The following NTRK2 variants were observed in gnomAD, a reference collection of about 807,000 sequenced individuals.
The protein encoded by NTRK2 is neurotrophic receptor tyrosine kinase 2, also known as BDNF/NT-3 growth factors receptor.
Under a neutral mutation model 94.5 loss-of-function variants are expected in NTRK2, and 13 were observed. That is an observed-to-expected ratio of 0.14 (90% CI 0.09 to 0.22). The LOEUF is 0.22. Ranked by LOEUF, NTRK2 falls within the 10% of genes least tolerant of loss-of-function variation. The pLI is 1.00. For missense variants in NTRK2, 639 were observed against 1,071.2 expected, an observed-to-expected ratio of 0.60 and a Z score of 5.63; for synonymous variants, 372 against 407.4, an observed-to-expected ratio of 0.91 and a Z score of 1.05.
chr9:84,943,448 A>G (rs745836472), intron 15 of NTRK2, among the ~76,000 whole-genome samples: 6 of 152,180 alleles, frequency 3.9e-5, no homozygotes, highest in Non-Finnish European at 8.8e-5. Flanking sequence ...CTGAATCAAT[A>G]TGTACTCCAG....
At chr9:84,822,537 A>G (rs2072916613) in intron 12 of NTRK2, among the ~76,000 whole-genome samples, 1 of 152,196 alleles carries the variant, frequency 6.6e-6, no homozygotes, top group Non-Finnish European at 1.5e-5. Flanking sequence ...CTTGGGTGAG[A>G]GAAACTGGGA....
At chr9:84,724,737 A>G (rs986267115) in intron 8 of NTRK2, among the ~76,000 whole-genome samples, 2 of 152,218 alleles carry the variant, frequency 1.3e-5, no homozygotes, top group Non-Finnish European at 2.9e-5. Context: ...TAAAGTTATG[A>G]TACCTAAAGT....
intron 17 of NTRK2, among the ~76,000 whole-genome samples, chr9:84,991,128 A>G (rs1829009637): frequency 6.6e-6 from 1 of 152,194 alleles, no homozygotes; most frequent in East Asian, 1.9e-4. Context: ...TTATATTGAC[A>G]CATTTCCTCT....
At chr9:84,945,953 C>T (rs2078586306) in intron 15 of NTRK2, among the ~76,000 whole-genome samples, 1 of 152,158 alleles carries the variant, frequency 6.6e-6, no homozygotes, top group Admixed American at 6.5e-5. Flanking sequence ...CTCAGATCTG[C>T]TCCCTGGGGA....
chr9:84,944,751 T>C (rs1469277123), intron 15 of NTRK2, among the ~76,000 whole-genome samples: 1 of 152,234 alleles, frequency 6.6e-6, no homozygotes, highest in African/African-American at 2.4e-5. Flanking sequence ...GGTTGGCCCC[T>C]GGGCCTTATT....
chr9:84,765,466 A>G (rs144045474), intron 12 of NTRK2, among the ~76,000 whole-genome samples: 2,277 of 152,254 alleles, frequency 0.015, 58 homozygotes, highest in African/African-American at 0.052. Flanking sequence ...CAGGTGAGAA[A>G]TCACTTGCAG....
chr9:84,692,468 C>CTT (rs71369138), intron 2 of NTRK2, among the ~76,000 whole-genome samples: 29 of 87,680 alleles, frequency 3.3e-4, no homozygotes, highest in Non-Finnish European at 5.2e-4. Context: ...TTCTTTTTTT[C>CTT]TTTTTTTTTT....
intron 14 of NTRK2, among the ~76,000 whole-genome samples, chr9:84,868,341 G>T (rs1342218143): frequency 6.6e-6 from 1 of 152,180 alleles, no homozygotes; most frequent in East Asian, 1.9e-4. Context: ...ATTAGGCTTT[G>T]GGGGCTGCCT....
At chr9:84,882,231 G>C (rs2076275485) in intron 14 of NTRK2, among the ~76,000 whole-genome samples, 1 of 152,034 alleles carries the variant, frequency 6.6e-6, no homozygotes, top group South Asian at 2.1e-4. Context: ...CAATGGATTT[G>C]AGGCAGTTTA....
intron 14 of NTRK2, among the ~76,000 whole-genome samples, chr9:84,892,946 T>G (rs942193895): frequency 2.0e-5 from 3 of 151,582 alleles, no homozygotes; most frequent in Non-Finnish European, 4.4e-5. Context: ...TTACTGTACT[T>G]TCTTCTTTTC....
intron 4 of NTRK2, among the ~76,000 whole-genome samples, chr9:84,702,675 G>A (rs1254302576): frequency 1.3e-5 from 2 of 152,184 alleles, no homozygotes; most frequent in African/African-American, 2.4e-5. Flanking sequence ...TAGGCTAGCA[G>A]CAAGGAGTCT....
chr9:84,748,516 C>G (rs963515724), intron 11 of NTRK2, among the ~76,000 whole-genome samples: 9 of 152,196 alleles, frequency 5.9e-5, no homozygotes, highest in African/African-American at 1.9e-4. Flanking sequence ...TCTCTTCTAG[C>G]TGTCATGACT....
At chr9:84,812,726 G>A in intron 12 of NTRK2, 5 of 1,040,688 alleles carry the variant, frequency 4.8e-6, no homozygotes, top group Non-Finnish European at 5.8e-6. Context: ...GCTATGGATT[G>A]TTTAAGAACT....
At chr9:84,978,381 C>T (rs534468436) in intron 17 of NTRK2, among the ~76,000 whole-genome samples, 4 of 152,206 alleles carry the variant, frequency 2.6e-5, no homozygotes, top group East Asian at 1.9e-4. Context: ...GATAGAAGAT[C>T]GAAACAGTCA....
chr9:84,888,032 A>G (rs1484418708), intron 14 of NTRK2, among the ~76,000 whole-genome samples: 2 of 152,342 alleles, frequency 1.3e-5, no homozygotes, highest in Non-Finnish European at 1.5e-5. Context: ...TGGATAAACT[A>G]CAGAGTGGAA....
intron 14 of NTRK2, among the ~76,000 whole-genome samples, chr9:84,892,360 A>T (rs3780635): frequency 6.6e-6 from 1 of 152,096 alleles, no homozygotes; most frequent in African/African-American, 2.4e-5. Flanking sequence ...CATGTGGCAC[A>T]TCCCCAAAGC....
chr9:84,847,992 G>A (rs1023261543), intron 12 of NTRK2, among the ~76,000 whole-genome samples: 3 of 152,182 alleles, frequency 2.0e-5, no homozygotes, highest in South Asian at 4.2e-4. Flanking sequence ...TGGGTTCCTG[G>A]TGAGGGCTCT....
chr9:84,676,408 G>A (rs1181397887), intron 2 of NTRK2, among the ~76,000 whole-genome samples: 1 of 152,208 alleles, frequency 6.6e-6, no homozygotes, highest in African/African-American at 2.4e-5. Flanking sequence ...CTCAAACCAT[G>A]TCTTTTTAAA....
intron 14 of NTRK2, among the ~76,000 whole-genome samples, chr9:84,920,748 C>A (rs2077540097): frequency 6.6e-6 from 1 of 152,200 alleles, no homozygotes; most frequent in Non-Finnish European, 1.5e-5. Context: ...AAGAGGCCAA[C>A]TGATGCCCTC....
Sources: gnomAD v4.1 joint callset for allele counts (sites outside exome capture counted in the v4.1 genomes callset) on GRCh38, gnomAD v4.1.1 for gene constraint, MANE v1.5 for transcripts, NCBI Gene and HGNC (gene_info 2026-07-23, HGNC 2026-07-21) for gene names.